SRC: variants seen among roughly 807,000 people sequenced by gnomAD.
SRC encodes SRC proto-oncogene, non-receptor tyrosine kinase, also known as proto-oncogene tyrosine-protein kinase Src.
A neutral mutation model predicts 62.9 loss-of-function variants in SRC; 13 were observed. The ratio of observed to expected loss-of-function variants is 0.21; its 90% CI spans 0.13 to 0.33. The LOEUF (loss-of-function observed/expected upper bound fraction) is 0.33, where lower values mean the gene tolerates loss of function less well. Ranked by LOEUF, SRC falls within the 10% of genes least tolerant of loss-of-function variation. The pLI is 1.00. For missense variants in SRC, 457 were observed against 737.3 expected (o/e 0.62, Z 4.40); for synonymous variants, 302 against 317.5 (o/e 0.95, Z 0.52).
chr20:37,398,858 A>G lies in SRC; in HGVS notation c.859+1004A>G, dbSNP rs777112664. On this transcript the variant is annotated intron_variant, in intron 9 of 13. Coordinates refer to ENST00000373578, the MANE Select transcript of SRC (RefSeq NM_198291.3). This position sits in a 1 kb window ranked among gnomAD's most constrained non-coding sequence, Gnocchi z 5.2. ...CTCCCTGGGTGCTCCAGGTCGACTC[A>G]TGAAGTGCCACATGCAGATGGCCTG... 6.6e-6 allele frequency among the ~76,000 whole-genome samples: 1 copy of G among 152,212 alleles called. No homozygotes were observed. The highest frequency in any genetic ancestry group is 1.5e-5 in the Non-Finnish European group (1 of 68,022).
chr20:37,373,607 G>C (rs1378639824), intron 2 of SRC, among the ~76,000 whole-genome samples: 5 of 152,180 alleles, frequency 3.3e-5, no homozygotes, highest in Admixed American at 1.3e-4. Context: ...ACCACGCCCA[G>C]CTCTTCCCCT....
intron 2 of SRC, among the ~76,000 whole-genome samples, chr20:37,373,223 C>CACAT (rs1206784887): frequency 0.05 from 7,497 of 151,264 alleles, 256 homozygotes; most frequent in Non-Finnish European, 0.055. Flanking sequence ...CATGTACATA[C>CACAT]GTACACACAT....
chr20:37,384,881 C>T lies in SRC; in HGVS notation c.250+478C>T, dbSNP rs904876166. On this transcript the variant is annotated intron_variant, in intron 4 of 13. Coordinates refer to ENST00000373578, the MANE Select transcript of SRC (RefSeq NM_198291.3). The surrounding 1 kb of genome is among the most constrained non-coding windows in gnomAD (Gnocchi z 6.7). ...CCCTCTGCTGGCGCTCTGCGGTCAC[C>T]GCAGCCCCGGAGAGGGCCGTTTTGG... Among the ~76,000 whole-genome samples, 10 of 152,302 alleles carry T rather than the reference C, an allele frequency of 6.6e-5. No homozygotes were observed. The highest frequency in any genetic ancestry group is 8.8e-5 in the Non-Finnish European group (6 of 68,004).
intron 1 of SRC, among the ~76,000 whole-genome samples, chr20:37,360,649 C>T (rs189264977): frequency 5.9e-5 from 9 of 152,286 alleles, no homozygotes; most frequent in Admixed American, 1.3e-4. Context: ...TAATAGCCCC[C>T]GCTGTCATGC....
At chr20:37,355,042 GCA>G (rs1190111016) in intron 1 of SRC, among the ~76,000 whole-genome samples, 1 of 152,188 alleles carries the variant, frequency 6.6e-6, no homozygotes, top group Non-Finnish European at 1.5e-5. Flanking sequence ...CTTGGAGGTG[GCA>G]CAGTTTGGGG....
chr20:37,392,928 C>T (rs1275960875), intron 5 of SRC, among the ~76,000 whole-genome samples: 1 of 152,088 alleles, frequency 6.6e-6, no homozygotes, highest in Non-Finnish European at 1.5e-5. Context: ...CTCTTCTCTC[C>T]TGTTGGGCTC....
At chr20:37,361,630 A>G (rs985737262) in intron 1 of SRC, among the ~76,000 whole-genome samples, 14 of 152,306 alleles carry the variant, frequency 9.2e-5, no homozygotes, top group African/African-American at 3.4e-4. Context: ...GGCCATCTCC[A>G]CAAGGCACAT....
At chr20:37,388,418 A>G (rs1270630041) in intron 5 of SRC, among the ~76,000 whole-genome samples, 2 of 152,136 alleles carry the variant, frequency 1.3e-5, no homozygotes, top group Non-Finnish European at 2.9e-5. Flanking sequence ...GCCCCTCCTC[A>G]TGTCACAATG....
chr20:37,370,963 T>TTTCTTCTTC (rs536060536), intron 2 of SRC, among the ~76,000 whole-genome samples: 5 of 147,354 alleles, frequency 3.4e-5, no homozygotes, highest in Admixed American at 6.7e-5. Flanking sequence ...GAATTTTCTA[T>TTTCTTCTTC]TTCTTCTTCT....
intron 1 of SRC, among the ~76,000 whole-genome samples, chr20:37,357,405 TTCCA>T (rs375569482): frequency 3.3e-5 from 5 of 152,132 alleles, no homozygotes; most frequent in East Asian, 3.9e-4. Context: ...CTGCTTGCTC[TTCCA>T]TCCATCCATC....
At position 37,396,455 on chromosome 20, in the gene SRC, C is replaced by G. The variant is rs1219366524; in HGVS notation, c.703+144C>G. The G allele has an allele frequency of 1.1e-6, 1 of 947,704 alleles. No individual in the cohort carries two copies. The highest frequency in any genetic ancestry group is 1.5e-6 in the Non-Finnish European group (1 of 648,170). 58.7% of individuals were successfully genotyped at this position (947,704 alleles called of 1,614,324 possible). A position where few individuals can be genotyped will look rare whatever the true frequency, so the allele number is the denominator to read the frequency against. Reference sequence around the variant, plus strand: ...CCCCCTCCCCCCTCCCTTCCTCTCTCCTCCCTTTTCCCTCCTTTCCTTGTC... The same window carrying G: ...CCCCCTCCCCCCTCCCTTCCTCTCTGCTCCCTTTTCCCTCCTTTCCTTGTC... On this transcript the variant is annotated intron_variant, in intron 8 of 13. Coordinates refer to ENST00000373578, the MANE Select transcript of SRC (RefSeq NM_198291.3). The surrounding 1 kb of genome is among the most constrained non-coding windows in gnomAD (Gnocchi z 6.1).
intron 4 of SRC, among the ~76,000 whole-genome samples, chr20:37,385,854 G>A (rs2147059363): frequency 6.6e-6 from 1 of 152,266 alleles, no homozygotes; most frequent in East Asian, 1.9e-4. Flanking sequence ...ACGCGGACAG[G>A]AAGGGATGCT....
Position 37,373,171 on chromosome 20 carries a change from TAC to T in SRC, c.-173+7900_-173+7901del, listed in dbSNP as rs1194068316. 5.1e-5 allele frequency among the ~76,000 whole-genome samples: 7 copies of T among 138,238 alleles called. No individual in the cohort carries two copies. In the East Asian group the frequency reaches 6.3e-4, roughly 12 times the overall value. 90.7% of individuals were successfully genotyped at this position (138,238 alleles called of 152,430 possible). A position where few individuals can be genotyped will look rare whatever the true frequency, so the allele number is the denominator to read the frequency against. On this transcript the variant is annotated intron_variant, in intron 2 of 13. Coordinates refer to ENST00000373578, the MANE Select transcript of SRC (RefSeq NM_198291.3). ...ATATACACACATACACACATATATG[TAC>T]ACACATACACATGTATACATATATG...
In SRC at chr20:37,397,362, G is replaced by A. The variant is rs1470678179; in HGVS notation, c.704-337G>A. Reference sequence around the variant, plus strand: ...GCTCTCCAGTCACATTCACATCTGTGGTCCTGGGAGGTGATTAGGGAAGTG... The same window carrying A: ...GCTCTCCAGTCACATTCACATCTGTAGTCCTGGGAGGTGATTAGGGAAGTG... On this transcript the variant is annotated intron_variant, in intron 8 of 13. Transcript: ENST00000373578. This position sits in a 1 kb window ranked among gnomAD's most constrained non-coding sequence, Gnocchi z 4.1. 6.6e-6 allele frequency among the ~76,000 whole-genome samples: 1 copy of A among 152,178 alleles called. No individual in the cohort carries two copies. Among genetic ancestry groups the A allele is most frequent in the Non-Finnish European group, 1.5e-5 (1 of 68,024 alleles).
chr20:37,361,507 C>T (rs2069969396), intron 1 of SRC, among the ~76,000 whole-genome samples: 1 of 152,218 alleles, frequency 6.6e-6, no homozygotes, highest in African/African-American at 2.4e-5. Context: ...TCCTGCCCAC[C>T]AGTGTCCCTG....
upstream of SRC, chr20:37,344,707 C>G (rs1477505645): frequency 6.6e-6 from 1 of 152,264 alleles, no homozygotes; most frequent in East Asian, 1.9e-4. Flanking sequence ...GCCATTTCAC[C>G]AGCCCAGGCT....
At chr20:37,373,645 T>TG (rs2070233354) in intron 2 of SRC, among the ~76,000 whole-genome samples, 3 of 152,232 alleles carry the variant, frequency 2.0e-5, no homozygotes, top group South Asian at 4.1e-4. Flanking sequence ...TTGAGTATTT[T>TG]GTGGTTTAAA....
At chr20:37,361,090 G>A (rs543954316) in intron 1 of SRC, among the ~76,000 whole-genome samples, 1 of 152,028 alleles carries the variant, frequency 6.6e-6, no homozygotes, top group South Asian at 2.1e-4. Context: ...AGGGTACACT[G>A]TAGTTCATGG....
At chr20:37,394,119 G>A (rs2070598342) in intron 6 of SRC, 55 bp from the exon 7 acceptor site, 1 of 1,582,176 alleles carries the variant, frequency 6.3e-7, no homozygotes, top group Non-Finnish European at 8.7e-7. Flanking sequence ...GAGAAGCACT[G>A]TGAGTGGGCA....
Sources: allele counts gnomAD v4.1 joint callset (sites outside exome capture counted in the v4.1 genomes callset), GRCh38; gene constraint gnomAD v4.1.1; non-coding constraint Gnocchi (gnomAD v3.1); transcripts MANE v1.5; gene names NCBI Gene and HGNC (gene_info 2026-07-23, HGNC 2026-07-21).